DZIP1: variants seen among roughly 807,000 people sequenced by gnomAD.
The protein encoded by DZIP1 is cilium assembly protein DZIP1.
A neutral mutation model predicts 107.6 loss-of-function variants in DZIP1; 97 were observed. The ratio of observed to expected loss-of-function variants is 0.90; its 90% CI spans 0.77 to 1.07. The LOEUF is 1.07. DZIP1 is among the 50% of genes least tolerant of loss of function. The probability of loss-of-function intolerance (pLI) is 0.00; values close to 1 mark genes in which losing one functional copy is unlikely to be tolerated. For synonymous variants in DZIP1, 390 were observed against 386.4 expected (o/e 1.01, Z -0.11); for missense variants, 1,035 against 1,063.6 (o/e 0.97, Z 0.37).
At chr13:95,637,604 ATCTCTCTCTCTC>A (rs10539901) in intron 5 of DZIP1, among the ~76,000 whole-genome samples, 1,941 of 144,526 alleles carry the variant, frequency 0.013, 21 homozygotes, top group African/African-American at 0.027. Context: ...GACATTAGCG[ATCTCTCTCTCTC>A]TCTCTCTCTC....
At chr13:95,584,213 G>T (rs905379210) in intron 22 of DZIP1, among the ~76,000 whole-genome samples, 3 of 150,420 alleles carry the variant, frequency 2.0e-5, no homozygotes, top group African/African-American at 2.4e-5. Flanking sequence ...TTGACCTCGT[G>T]ATCTGCCCGC....
Position 95,612,167 on chromosome 13 carries a change from T to C in DZIP1, c.1184A>G (p.His395Arg). ...CATTGAGGTTCGAAGTTTCTCTATATGTGACAGGAGCTGAAAAAAAGTTAA... is the reference window on the plus strand; with the variant it reads ...CATTGAGGTTCGAAGTTTCTCTATACGTGACAGGAGCTGAAAAAAAGTTAA... ...HKKEKGRLLS[H>R]IEKLRTSMID... The change falls in exon 11 of 23, where the codon CAT becomes CGT. Residue 395 changes from histidine (H) to arginine (R), a missense_variant. Coordinates refer to ENST00000376829, the MANE Select transcript of DZIP1 (RefSeq NM_198968.4). 1 of 1,610,688 alleles carries C rather than the reference T, an allele frequency of 6.2e-7. No individual in the cohort carries two copies. The highest frequency in any genetic ancestry group is 8.5e-7 in the Non-Finnish European group (1 of 1,179,754).
At chr13:95,617,191 G>A (rs1327958808) in intron 10 of DZIP1, among the ~76,000 whole-genome samples, 6 of 149,656 alleles carry the variant, frequency 4.0e-5, no homozygotes, top group Admixed American at 2.7e-4. Context: ...AACAGAGTGA[G>A]ACTCTGTCTC....
chr13:95,612,279 A>T (rs2045037675), intron 10 of DZIP1, 102 bp from the exon 11 acceptor site: 7 of 1,330,780 alleles, frequency 5.3e-6, no homozygotes, highest in Non-Finnish European at 7.2e-6. Context: ...TGCTAGCCTG[A>T]TGCTATCCGT....
At position 95,642,217 on chromosome 13, in the gene DZIP1, G is replaced by T. The variant is rs568348909; in HGVS notation, c.-188C>A. The T allele has an allele frequency of 7.3e-4, 512 of 698,046 alleles. 2 individuals are homozygous for T. In the African/African-American group the frequency reaches 8.7e-3, roughly 12 times the overall value. 43.2% of individuals were successfully genotyped at this position (698,046 alleles called of 1,614,324 possible). On this transcript the variant is annotated 5_prime_UTR_variant, in exon 4 of 23. Transcript: ENST00000376829. ...TGGAGCAAAGGGCGCGTCTGCCCGC[G>T]CAGGGTCAGCGTGCACCCAGAACCC... is the stretch of plus-strand genomic sequence containing the variant.
At position 95,605,842 on chromosome 13, in the gene DZIP1, T is replaced by C. The variant is rs1401541357; in HGVS notation, c.1477+161A>G. On this transcript the variant is annotated intron_variant, in intron 14 of 22. Transcript: ENST00000376829. ...GGGAGGTATGTCCAGTTTACAACAATATTACACATGAAGACTGCAGTTTTA... is the reference window on the plus strand; with the variant it reads ...GGGAGGTATGTCCAGTTTACAACAACATTACACATGAAGACTGCAGTTTTA... 2.0e-5 allele frequency among the ~76,000 whole-genome samples: 3 copies of C among 152,330 alleles called. No individual in the cohort carries two copies. In the East Asian group the frequency reaches 5.8e-4, roughly 29 times the overall value.
intron 5 of DZIP1, among the ~76,000 whole-genome samples, chr13:95,639,328 C>T (rs961966421): frequency 1.3e-5 from 2 of 152,094 alleles, no homozygotes; most frequent in South Asian, 2.1e-4. Context: ...TGGTGGCTCA[C>T]GTCTGTAATC....
rs573695341 is a variant in DZIP1 at position 95,603,613 on chromosome 13, T to A, written c.1477+2390A>T. Among the ~76,000 whole-genome samples the A allele has an allele frequency of 4.6e-5, 7 of 152,304 alleles. No individual in the cohort carries two copies. The South Asian group carries it at 1.4e-3, about 32-fold the overall frequency. The stretch of plus-strand genomic sequence containing the variant: ...ATACTTTATTTTCTGGGCATCCTAA[T>A]ACCACCATTTAGTCACTACTCCATG... On this transcript the variant is annotated intron_variant, in intron 14 of 22. Transcript: ENST00000376829.
chr13:95,622,158 C>T (rs112794367), intron 9 of DZIP1, among the ~76,000 whole-genome samples, 185 bp downstream of exon 9: 1 of 152,214 alleles, frequency 6.6e-6, no homozygotes, highest in African/African-American at 2.4e-5. Context: ...ATGCTATTTG[C>T]CAACAGCAAG....
At chr13:95,608,705 G>T (rs187399134) in intron 13 of DZIP1, among the ~76,000 whole-genome samples, 10 of 152,226 alleles carry the variant, frequency 6.6e-5, no homozygotes, top group Admixed American at 4.6e-4. Flanking sequence ...AGACTGAGAG[G>T]TTAAAACCAT....
chr13:95,613,882 G>T (rs539299631), intron 10 of DZIP1, among the ~76,000 whole-genome samples: 1 of 152,264 alleles, frequency 6.6e-6, no homozygotes, highest in Admixed American at 6.5e-5. Context: ...GTGCTCTTTC[G>T]GGAGGCCGAG....
At chr13:95,606,315 C>A (rs1456101980) in intron 13 of DZIP1, among the ~76,000 whole-genome samples, 3 of 152,166 alleles carry the variant, frequency 2.0e-5, no homozygotes, top group Non-Finnish European at 4.4e-5. Flanking sequence ...GCAAACACAA[C>A]CACTGTCTAA....
rs34995131 is a variant in DZIP1, at chr13:95,603,306, C to CAAAAAAAAAAA, written c.1477+2686_1477+2696dup. Among the ~76,000 whole-genome samples the CAAAAAAAAAAA allele has an allele frequency of 9.8e-4, 47 of 47,962 alleles. 1 individual carries two copies. Among genetic ancestry groups the CAAAAAAAAAAA allele is most frequent in the African/African-American group, 2.9e-3 (35 of 11,878 alleles). 31.5% of individuals were successfully genotyped at this position (47,962 alleles called of 152,430 possible). A position where few individuals can be genotyped will look rare whatever the true frequency, so the allele number is the denominator to read the frequency against. ...TGGGCGACAGAGAAATGCCCAGTCT[C>CAAAAAAAAAAA]AAAAAAAAAAAAAAAAAAAAAAAAA... On this transcript the variant is annotated intron_variant, in intron 14 of 22. Coordinates refer to ENST00000376829, the MANE Select transcript of DZIP1 (RefSeq NM_198968.4).
At position 95,641,331 on chromosome 13, in the gene DZIP1, C is replaced by T; in HGVS notation, c.561G>A (p.Gln187=). Residue 187 remains glutamine, a synonymous_variant, in exon 5 of 23, where the codon CAG becomes CAA. Transcript: ENST00000376829. This position sits in a 1 kb window ranked among gnomAD's most constrained non-coding sequence, Gnocchi z 4.3. ...CKRRKKMIST[Q]QLMIEAKANY... is the part of the protein sequence containing the mutation. ...TGGCTTTGGCCTCGATCATCAGCTG[C>T]TGGGTGGAGATCATCTTCTTCCGGC... 1 of 1,605,726 alleles carries T rather than the reference C, an allele frequency of 6.2e-7. No homozygotes were observed.
At chr13:95,597,815 A>T (rs1478091909) in intron 15 of DZIP1, among the ~76,000 whole-genome samples, 1 of 152,242 alleles carries the variant, frequency 6.6e-6, no homozygotes. Context: ...GTGATAGATA[A>T]TTAAATTGTG....
chr13:95,642,328 C>T, intron 3 of DZIP1, 87 bp from the exon 4 acceptor site: 1 of 352,362 alleles, frequency 2.8e-6, no homozygotes, highest in Non-Finnish European at 5.1e-6. Context: ...ACCGGCTCCC[C>T]AGGGCGCCAC....
Position 95,612,058 on chromosome 13 carries a change from C to T in DZIP1, c.1293G>A (p.Leu431=). ...ATACCTGCTGTCTCTGAGTTATAAT[C>T]AGCTCATTCTGCTCCTGGAGTCTCT... ...LGQRLQEQNE[L]IITQRQQIKD... is the part of the protein sequence containing the mutation. Residue 431 remains leucine (L), a synonymous_variant, in exon 11 of 23, where the codon CTG becomes CTA. Coordinates refer to ENST00000376829, the MANE Select transcript of DZIP1 (RefSeq NM_198968.4). 1 of 1,613,748 alleles carries T rather than the reference C, an allele frequency of 6.2e-7. No individual in the cohort carries two copies. The highest frequency in any genetic ancestry group is 1.1e-5 in the South Asian group (1 of 91,070).
intron 10 of DZIP1, among the ~76,000 whole-genome samples, chr13:95,617,460 T>A (rs1167852847): frequency 3.3e-5 from 5 of 152,026 alleles, no homozygotes; most frequent in Non-Finnish European, 7.4e-5. Flanking sequence ...TGGACTCCTA[T>A]CCCACGGACA....
intron 15 of DZIP1, among the ~76,000 whole-genome samples, chr13:95,594,557 T>C (rs2044392662): frequency 6.6e-6 from 1 of 152,152 alleles, no homozygotes; most frequent in African/African-American, 2.4e-5. Flanking sequence ...CCCAGCACTT[T>C]CGGAGGTTAA....
Sources: allele counts gnomAD v4.1 joint callset (sites outside exome capture counted in the v4.1 genomes callset), GRCh38; gene constraint gnomAD v4.1.1; non-coding constraint Gnocchi (gnomAD v3.1); transcripts MANE v1.5; gene names NCBI Gene and HGNC (gene_info 2026-07-23, HGNC 2026-07-21).